The following CDH23 variants were observed in gnomAD, a reference collection of about 807,000 sequenced individuals.
CDH23 encodes cadherin related 23, also known as cadherin-23.
In CDH23, 189 loss-of-function variants were observed where a neutral mutation model predicts 317.1. The observed-to-expected ratio is 0.60, with a 90% CI of 0.53 to 0.67. The LOEUF (loss-of-function observed/expected upper bound fraction) is 0.67. CDH23 is among the 30% of genes least tolerant of loss of function. CDH23 has a pLI of 0.00. For missense variants in CDH23, 4,401 were observed against 4,592.4 expected (o/e 0.96, Z 1.20); for synonymous variants, 1,839 against 1,876.8 (o/e 0.98, Z 0.52).
Position 71,815,050 on chromosome 10 carries a change from C to T in CDH23, c.9837C>T (p.Pro3279=), listed in dbSNP as rs761383815. The change falls in exon 70 of 70, where the codon CCC becomes CCT. Residue 3279 remains proline (P), a synonymous_variant. Transcript: ENST00000224721. The part of the protein sequence containing the change: ...RHKPPVELKG[P]DGIHVVHGST... Reference sequence around the variant, plus strand: ...AGCCACCAGTGGAGCTCAAGGGGCCCGATGGGATCCATGTGGTGCACGGCA... The same window carrying T: ...AGCCACCAGTGGAGCTCAAGGGGCCTGATGGGATCCATGTGGTGCACGGCA... The T allele has an allele frequency of 2.5e-6, 4 of 1,612,292 alleles. No homozygotes were observed. Among genetic ancestry groups the T allele is most frequent in the Admixed American group, 1.7e-5 (1 of 59,894 alleles).
At chr10:71,681,243 T>G (rs1864634746) in intron 17 of CDH23, among the ~76,000 whole-genome samples, 1 of 152,180 alleles carries the variant, frequency 6.6e-6, no homozygotes, top group Admixed American at 6.6e-5. Flanking sequence ...TAATCTTGTT[T>G]CCCTTTTCCA....
At chr10:71,475,675 G>A (rs1851757335) in intron 3 of CDH23, among the ~76,000 whole-genome samples, 1 of 152,214 alleles carries the variant, frequency 6.6e-6, no homozygotes, top group African/African-American at 2.4e-5. Flanking sequence ...GGCTTTGCCT[G>A]AGCAGGGATG....
chr10:71,778,354 A>C, intron 40 of CDH23, 46 bp downstream of exon 40: 7 of 1,610,954 alleles, frequency 4.3e-6, no homozygotes, highest in Non-Finnish European at 5.9e-6. Flanking sequence ...GAGGTTGGCG[A>C]AGGATGGGAC....
intron 38 of CDH23, chr10:71,750,782 C>G (rs1466767318): frequency 6.4e-6 from 1 of 155,120 alleles, no homozygotes; most frequent in African/African-American, 2.4e-5. Context: ...GGAAGTCTGA[C>G]AGAAGAGCAG....
intron 4 of CDH23, 83 bp from the exon 5 acceptor site, chr10:71,510,871 C>A: frequency 1.5e-6 from 2 of 1,346,368 alleles, no homozygotes; most frequent in Non-Finnish European, 2.1e-6. Context: ...AATCCTGGAG[C>A]CCCTCCCGCC....
chr10:71,734,449 C>T (rs879733209), intron 33 of CDH23, 108 bp downstream of exon 33: 14 of 1,481,640 alleles, frequency 9.4e-6, no homozygotes, highest in East Asian at 7.3e-5. Context: ...AGGCAGCGGG[C>T]GAGGGTCTTG....
intron 21 of CDH23, 47 bp from the exon 22 acceptor site, chr10:71,695,371 C>T: frequency 7.4e-7 from 1 of 1,355,440 alleles, no homozygotes; most frequent in Non-Finnish European, 1.1e-6. Context: ...CCTGCCCTGG[C>T]CCATCTCAGC....
At chr10:71,619,355 T>G (rs1473978060) in intron 11 of CDH23, among the ~76,000 whole-genome samples, 1 of 152,024 alleles carries the variant, frequency 6.6e-6, no homozygotes, top group South Asian at 2.1e-4. Flanking sequence ...AAACAAATTT[T>G]TTAATGTAGT....
rs756519440 is a variant in CDH23 at position 71,739,750 on chromosome 10, A to G, written c.4466A>G (p.Glu1489Gly). The G allele has an allele frequency of 5.0e-6, 8 of 1,612,502 alleles. No homozygotes were observed. Among genetic ancestry groups the G allele is most frequent in the Non-Finnish European group, 5.9e-6 (7 of 1,179,384 alleles). Residue 1489 changes from glutamate (E) to glycine (G), a missense_variant, in exon 36 of 70, where the codon GAG (glutamate) becomes GGG (glycine). By Grantham distance (98) the Glu-to-Gly change is moderately conservative. Transcript: ENST00000224721. ...GTGGCCAGGCCCCTGGACAGAGAAGAGCTGGATCACTACATCCTCCAGGTG... is the reference window on the plus strand; with the variant it reads ...GTGGCCAGGCCCCTGGACAGAGAAGGGCTGGATCACTACATCCTCCAGGTG... Reference protein sequence around the residue: ...VFVARPLDREELDHYILQVVA... With the variant: ...VFVARPLDREGLDHYILQVVA...
At chr10:71,439,930 G>A (rs1198248403) in intron 2 of CDH23, 32 bp downstream of exon 2, 2 of 1,540,418 alleles carry the variant, frequency 1.3e-6, no homozygotes, top group Admixed American at 3.9e-5. Flanking sequence ...TCTATCCCAT[G>A]GGCAGCCTCT....
At chr10:71,641,749 G>A (rs762408690) in intron 11 of CDH23, among the ~76,000 whole-genome samples, 152 of 152,080 alleles carry the variant, frequency 1.0e-3, no homozygotes, top group African/African-American at 3.3e-3. Flanking sequence ...TCCTCCACCC[G>A]AAATCCCTTT....
At chr10:71,420,444 T>TGGTGATGGTGATGGTGATGG (rs1564568587) in intron 1 of CDH23, among the ~76,000 whole-genome samples, 1 of 38,072 alleles carries the variant, frequency 2.6e-5, no homozygotes, top group Non-Finnish European at 5.6e-5. Context: ...ATGATGGTCA[T>TGGTGATGGTGATGGTGATGG]TATGATGGTG....
rs1006307 is a variant in CDH23, at chr10:71,796,935, A to C, written c.6713-169A>C. On this transcript the variant is annotated intron_variant, in intron 48 of 69. Coordinates refer to ENST00000224721, the MANE Select transcript of CDH23 (RefSeq NM_022124.6). ...ATCATGGGAGGGGCAGAGCCACGTG[A>C]CCCAAGCTTATGAGGAGGCTGTGGG... is the stretch of plus-strand genomic sequence containing the variant. 185,495 of 571,944 alleles carry C rather than the reference A, an allele frequency of 0.32. 33,581 individuals carry two copies. Among genetic ancestry groups the C allele is most frequent in the East Asian group, 0.66 (22,032 of 33,164 alleles). 35.4% of individuals were successfully genotyped at this position (571,944 alleles called of 1,614,324 possible).
In CDH23 at chr10:71,681,795, A is replaced by T. The variant is rs74145288; in HGVS notation, c.1859-650A>T. On this transcript the variant is annotated intron_variant, in intron 17 of 69. Transcript: ENST00000224721. ...TACAAAGAAATTTTTTTAAATGAAAATAAATAAAGGAGAAGGGAGGGAAGA... is the reference window on the plus strand; with the variant it reads ...TACAAAGAAATTTTTTTAAATGAAATTAAATAAAGGAGAAGGGAGGGAAGA... Among the ~76,000 whole-genome samples, 249 of 152,368 alleles carry T rather than the reference A, an allele frequency of 1.6e-3. 1 individual carries two copies. Among genetic ancestry groups the T allele is most frequent in the African/African-American group, 4.9e-3 (203 of 41,588 alleles).
intron 28 of CDH23, among the ~76,000 whole-genome samples, chr10:71,720,790 G>C (rs972469738): frequency 1.3e-5 from 2 of 152,180 alleles, no homozygotes; most frequent in African/African-American, 2.4e-5. Flanking sequence ...AGAGAAAAGA[G>C]CCCCCGTCTT....
intron 38 of CDH23, among the ~76,000 whole-genome samples, chr10:71,755,999 C>A (rs1024414155): frequency 6.6e-6 from 1 of 152,042 alleles, no homozygotes; most frequent in African/African-American, 2.4e-5. Flanking sequence ...AGATAAAAAG[C>A]CCCAACTCAT....
intron 3 of CDH23, among the ~76,000 whole-genome samples, chr10:71,468,663 A>G (rs1367729546): frequency 6.6e-6 from 1 of 152,196 alleles, no homozygotes; most frequent in East Asian, 1.9e-4. Flanking sequence ...GTCACTGGAA[A>G]TGGTGTCTGG....
intron 3 of CDH23, among the ~76,000 whole-genome samples, chr10:71,503,697 G>A (rs1346414847): frequency 2.6e-5 from 4 of 152,174 alleles, no homozygotes; most frequent in Admixed American, 6.5e-5. Flanking sequence ...AGACAATAAC[G>A]TGGAGTCTTA....
At chr10:71,424,623 T>A (rs1848970605) in intron 1 of CDH23, among the ~76,000 whole-genome samples, 1 of 152,280 alleles carries the variant, frequency 6.6e-6, no homozygotes, top group South Asian at 2.1e-4. Flanking sequence ...TGCAACATAG[T>A]GTCAGGCTGT....
Sources: allele counts gnomAD v4.1 joint callset (sites outside exome capture counted in the v4.1 genomes callset), GRCh38; gene constraint gnomAD v4.1.1; transcripts MANE v1.5; gene names NCBI Gene and HGNC (gene_info 2026-07-23, HGNC 2026-07-21).